DNAH7: variants seen among roughly 807,000 people sequenced by gnomAD.
The protein encoded by DNAH7 is axonemal beta dynein heavy chain 7.
DNAH7 carries 397 observed loss-of-function variants against 444.6 expected under a neutral mutation model. That is an observed-to-expected ratio of 0.89 (90% confidence interval 0.82 to 0.97). The LOEUF (loss-of-function observed/expected upper bound fraction) is 0.97, where lower values mean the gene tolerates loss of function less well. Among genes scored for constraint, DNAH7 ranks in the 50% least tolerant of loss-of-function variants. DNAH7 has a pLI of 0.00. For synonymous variants in DNAH7, 1,636 were observed against 1,624.4 expected, an observed-to-expected ratio of 1.01 and a Z score of -0.17; for missense variants, 4,902 against 4,800.8, an observed-to-expected ratio of 1.02 and a Z score of -0.62.
intron 12 of DNAH7, among the ~76,000 whole-genome samples, chr2:195,995,982 T>C (rs1016234849): frequency 6.6e-6 from 1 of 152,220 alleles, no homozygotes; most frequent in Non-Finnish European, 1.5e-5. Flanking sequence ...TCACTTTGGG[T>C]AGTATGGACA....
chr2:195,758,881 T>C (rs1260432203), intron 61 of DNAH7, among the ~76,000 whole-genome samples: 1 of 152,218 alleles, frequency 6.6e-6, no homozygotes, highest in Non-Finnish European at 1.5e-5. Flanking sequence ...TCCCAGCAGT[T>C]GGAACAGGAG....
At chr2:195,948,982 G>A (rs921596717) in intron 19 of DNAH7, among the ~76,000 whole-genome samples, 5 of 151,840 alleles carry the variant, frequency 3.3e-5, no homozygotes, top group Non-Finnish European at 5.9e-5. Context: ...GCAGTGGTTT[G>A]TAGTCCTCCT....
Position 195,987,078 on chromosome 2 carries a change from T to G in DNAH7, c.1742A>C (p.Glu581Ala). Residue 581 changes from glutamate (E) to alanine (A), a missense_variant, in exon 14 of 65, where the codon GAA becomes GCA. Physicochemically the swap from Glu to Ala is moderately radical, Grantham distance 107. Transcript: ENST00000312428. Reference sequence around the variant, plus strand: ...ATCACATAAATACCTTGTATTTACTTCCTGATGATCTCTGAACATTTTAGC... The same window carrying G: ...ATCACATAAATACCTTGTATTTACTGCCTGATGATCTCTGAACATTTTAGC... ...LLAKMFRDHQ[E>A]VNTRLCDEFE... The G allele has an allele frequency of 6.3e-7, 1 of 1,595,952 alleles. No individual in the cohort carries two copies. Among genetic ancestry groups the G allele is most frequent in the Non-Finnish European group, 8.5e-7 (1 of 1,175,390 alleles).
intron 40 of DNAH7, among the ~76,000 whole-genome samples, chr2:195,870,327 G>A (rs1444241217): frequency 6.6e-6 from 1 of 152,070 alleles, no homozygotes; most frequent in Non-Finnish European, 1.5e-5. Flanking sequence ...ATCAAGGGGG[G>A]TAGGGATGGC....
intron 54 of DNAH7, among the ~76,000 whole-genome samples, chr2:195,806,140 TG>T (rs1696698880): frequency 3.3e-5 from 5 of 151,960 alleles, no homozygotes; most frequent in Admixed American, 3.3e-4. Context: ...GATATCTTTG[TG>T]GTATCGGTCA....
Position 195,817,802 on chromosome 2 carries a change from G to C in DNAH7, c.9319C>G (p.Pro3107Ala), listed in dbSNP as rs1697293365. Residue 3107 changes from proline to alanine, a missense_variant, in exon 50 of 65, where the codon CCT (proline) becomes GCT (alanine). By Grantham distance (27) the Pro-to-Ala change is conservative (BLOSUM62 -1). Transcript: ENST00000312428. ...AGAAGCTGATCTTGCATTCCCTCAG[G>C]GGTTATCATGAAGTTTAATAATGTT... Reference protein sequence around the residue: ...KVTLLNFMITPEGMQDQLLGI... With the variant: ...KVTLLNFMITAEGMQDQLLGI... The C allele has an allele frequency of 6.2e-7, 1 of 1,603,886 alleles. No homozygotes were observed. The highest frequency in any genetic ancestry group is 8.5e-7 in the Non-Finnish European group (1 of 1,176,628).
intron 9 of DNAH7, among the ~76,000 whole-genome samples, chr2:196,018,532 T>A (rs1273000763): frequency 6.6e-6 from 1 of 152,114 alleles, no homozygotes; most frequent in Admixed American, 6.5e-5. Context: ...GTCCTTGGAA[T>A]TCAAAGTAAT....
intron 47 of DNAH7, among the ~76,000 whole-genome samples, chr2:195,839,830 T>G (rs1461200880): frequency 6.6e-6 from 1 of 151,832 alleles, no homozygotes; most frequent in Non-Finnish European, 1.5e-5. Flanking sequence ...ATAGATCACC[T>G]GGATAGACCT....
chr2:195,797,110 G>A (rs755771648), intron 55 of DNAH7, among the ~76,000 whole-genome samples: 6 of 152,214 alleles, frequency 3.9e-5, no homozygotes, highest in Non-Finnish European at 8.8e-5. Flanking sequence ...AAAAGAGACA[G>A]ATGAACTTGT....
intron 19 of DNAH7, among the ~76,000 whole-genome samples, chr2:195,956,486 A>G (rs1690664529): frequency 6.6e-6 from 1 of 152,082 alleles, no homozygotes; most frequent in South Asian, 2.1e-4. Context: ...CCCCATGTCT[A>G]CTAAAAATAC....
chr2:196,057,385 T>A (rs559719510), intron 2 of DNAH7, among the ~76,000 whole-genome samples: 2 of 152,190 alleles, frequency 1.3e-5, no homozygotes, highest in Non-Finnish European at 2.9e-5. Context: ...AATACCTTTT[T>A]TCAATTTTAG....
chr2:195,801,032 C>T (rs1696424041), intron 54 of DNAH7, among the ~76,000 whole-genome samples: 1 of 152,010 alleles, frequency 6.6e-6, no homozygotes, highest in Admixed American at 6.6e-5. Context: ...GTCAAGACAC[C>T]CTTTGGGTGT....
At chr2:196,010,527 A>G (rs770715698) in intron 10 of DNAH7, among the ~76,000 whole-genome samples, 1 of 152,168 alleles carries the variant, frequency 6.6e-6, no homozygotes, top group African/African-American at 2.4e-5. Flanking sequence ...TTCCTCAAAA[A>G]ACTAAAATTA....
chr2:195,945,412 T>G (rs62203362), intron 19 of DNAH7, among the ~76,000 whole-genome samples: 4,256 of 152,252 alleles, frequency 0.028, 77 homozygotes, highest in Non-Finnish European at 0.045. Context: ...TGCCTCATAA[T>G]ACCTATAAAA....
intron 51 of DNAH7, 129 bp downstream of exon 51, chr2:195,816,499 T>C (rs1024591146): frequency 2.5e-5 from 17 of 678,136 alleles, no homozygotes; most frequent in African/African-American, 2.4e-4. Context: ...GATACGATGA[T>C]TAATCAAGTT....
chr2:195,948,965 T>C (rs1371046621), intron 19 of DNAH7, among the ~76,000 whole-genome samples: 3 of 152,226 alleles, frequency 2.0e-5, no homozygotes, highest in Non-Finnish European at 2.9e-5. Context: ...TTCTCTTACT[T>C]CCTTGAGCAG....
At chr2:195,886,570 C>T (rs2125200263) in intron 33 of DNAH7, among the ~76,000 whole-genome samples, 1 of 152,122 alleles carries the variant, frequency 6.6e-6, no homozygotes, top group South Asian at 2.1e-4. Flanking sequence ...AATAAAAACA[C>T]TAAAAAAATT....
chr2:195,977,339 T>G (rs1692277289), intron 15 of DNAH7, among the ~76,000 whole-genome samples: 1 of 152,162 alleles, frequency 6.6e-6, no homozygotes, highest in Non-Finnish European at 1.5e-5. Context: ...ATTCTGGGGT[T>G]GAAAATGTAA....
intron 5 of DNAH7, among the ~76,000 whole-genome samples, chr2:196,030,151 G>A (rs1014485669): frequency 6.6e-6 from 1 of 152,186 alleles, no homozygotes; most frequent in African/African-American, 2.4e-5. Flanking sequence ...TGTGGTTAGG[G>A]AGGCCTCACA....
Sources: allele counts gnomAD v4.1 joint callset (sites outside exome capture counted in the v4.1 genomes callset), GRCh38; gene constraint gnomAD v4.1.1; transcripts MANE v1.5; gene names NCBI Gene and HGNC (gene_info 2026-07-23, HGNC 2026-07-21).